The following ZC3H6 variants were observed in gnomAD, a reference collection of about 807,000 sequenced individuals.
ZC3H6 encodes the protein zinc finger CCCH-type containing 6, also known as zinc finger CCCH domain-containing protein 6.
Under a neutral mutation model 107.7 loss-of-function variants are expected in ZC3H6, and 40 were observed. The ratio of observed to expected loss-of-function variants is 0.37; its 90% confidence interval spans 0.29 to 0.48. The LOEUF (loss-of-function observed/expected upper bound fraction) is 0.48, where lower values mean the gene tolerates loss of function less well. ZC3H6 is among the 20% of genes least tolerant of loss of function. The pLI is 0.98. For missense variants in ZC3H6, 1,267 were observed against 1,410.4 expected (o/e 0.90, Z 1.63); for synonymous variants, 493 against 487.9 (o/e 1.01, Z -0.14).
intron 1 of ZC3H6, among the ~76,000 whole-genome samples, chr2:112,283,067 T>C (rs2104692483): frequency 6.6e-6 from 1 of 152,328 alleles, no homozygotes; most frequent in East Asian, 1.9e-4. Context: ...TGCTTGATCC[T>C]CTGGGCTTGA....
chr2:112,319,576 G>GT (rs1676763692), intron 7 of ZC3H6, among the ~76,000 whole-genome samples: 3 of 152,004 alleles, frequency 2.0e-5, no homozygotes. Context: ...AACCTGGGAG[G>GT]TGGAGGTTGC....
rs568222408 is a variant in ZC3H6 at position 112,331,353 on chromosome 2, C to T, written c.2435C>T (p.Ala812Val). 3.7e-6 allele frequency: 6 copies of T among 1,613,714 alleles called. No homozygotes were observed. The Middle Eastern group carries it at 4.9e-4, about 133-fold the overall frequency. The change falls in exon 12 of 12, where the codon GCT becomes GTT. Residue 812 changes from alanine to valine, a missense_variant. Around this residue, in one of 3 missense-constraint regions of ZC3H6, gnomAD observed 925 missense variants for 1,025.7 expected, o/e 0.90. Transcript: ENST00000409871. ...AAGTTTGATTTGCATCATGCAAATG[C>T]TGGCACTAATGTCAAACACAAAAGA... Reference protein sequence around the residue: ...GAKFDLHHANAGTNVKHKRGD... With the variant: ...GAKFDLHHANVGTNVKHKRGD...
Position 112,303,285 on chromosome 2 carries a change from A to G in ZC3H6, c.270A>G (p.Glu90=), listed in dbSNP as rs747682697. 3 of 1,613,384 alleles carry G rather than the reference A, an allele frequency of 1.9e-6. No individual in the cohort carries two copies. The South Asian group carries it at 3.3e-5, about 18-fold the overall frequency. The change falls in exon 3 of 12, where the codon GAA becomes GAG. Residue 90 remains glutamate, a synonymous_variant. Coordinates refer to ENST00000409871, the MANE Select transcript of ZC3H6 (RefSeq NM_198581.3). The stretch of plus-strand genomic sequence containing the variant: ...ACTACAGCCTTGATTCAGATGTTGA[A>G]CATACAGAAAGTTCCCATAAAAAAA... ...SSDYSLDSDV[E]HTESSHKKRT...
intron 11 of ZC3H6, among the ~76,000 whole-genome samples, chr2:112,328,361 A>C (rs546196218): frequency 6.6e-6 from 1 of 152,258 alleles, no homozygotes; most frequent in East Asian, 1.9e-4. Context: ...TTTTTTCTAT[A>C]TCTGTGAAGA....
intron 11 of ZC3H6, among the ~76,000 whole-genome samples, chr2:112,330,637 A>G (rs895565153): frequency 6.6e-6 from 1 of 152,196 alleles, no homozygotes; most frequent in African/African-American, 2.4e-5. Context: ...CCCACCACAC[A>G]TACAACACAC....
chr2:112,293,773 C>T (rs1676166359), intron 1 of ZC3H6, among the ~76,000 whole-genome samples: 1 of 152,194 alleles, frequency 6.6e-6, no homozygotes, highest in Non-Finnish European at 1.5e-5. Flanking sequence ...AGACTCAAAT[C>T]AAGTTATCTA....
Position 112,333,076 on chromosome 2 carries a change from TTTTAAAG to T in ZC3H6, c.*590_*596del, listed in dbSNP as rs1677068028. 1 of 152,638 alleles carries T rather than the reference TTTTAAAG, an allele frequency of 6.6e-6. No homozygotes were observed. Among genetic ancestry groups the T allele is most frequent in the Non-Finnish European group, 1.5e-5 (1 of 68,028 alleles). The allele number at this position is 152,638 out of a possible 1,614,324, so 9.5% of individuals were successfully genotyped here. On this transcript the variant is annotated 3_prime_UTR_variant, in exon 12 of 12. Coordinates refer to ENST00000409871, the MANE Select transcript of ZC3H6 (RefSeq NM_198581.3). The stretch of plus-strand genomic sequence containing the variant: ...AATGAAGCATTTGAATGTCATATCT[TTTTAAAG>T]TATTTTATTGTATACTGTATCATAG...
At chr2:112,295,969 G>C (rs1191769589) in intron 1 of ZC3H6, among the ~76,000 whole-genome samples, 3 of 152,088 alleles carry the variant, frequency 2.0e-5, no homozygotes, top group Non-Finnish European at 4.4e-5. Flanking sequence ...AGGAGCTCAC[G>C]TTGAAGGAGA....
Position 112,321,757 on chromosome 2 carries a change from T to G in ZC3H6, c.978T>G (p.Asn326Lys). The change falls in exon 8 of 12, where the codon AAT becomes AAG. Residue 326 changes from asparagine (N) to lysine (K), a missense_variant and splice_region_variant. Coordinates refer to ENST00000409871, the MANE Select transcript of ZC3H6 (RefSeq NM_198581.3). ...TKGENCIYMH[N>K]EFPCKFYHSG... ...CTTTTCCTTAATATTTTTATTTACA[T>G]GAATTTCCATGCAAGTTCTATCATA... is the stretch of plus-strand genomic sequence containing the variant. 1.3e-6 allele frequency: 2 copies of G among 1,487,498 alleles called. No homozygotes were observed. The highest frequency in any genetic ancestry group is 1.8e-6 in the Non-Finnish European group (2 of 1,113,470). The allele number at this position is 1,487,498 out of a possible 1,614,324, so 92.1% of individuals were successfully genotyped here.
chr2:112,319,958 G>GT (rs1482830766), intron 7 of ZC3H6, among the ~76,000 whole-genome samples: 2 of 152,102 alleles, frequency 1.3e-5, no homozygotes, highest in Non-Finnish European at 2.9e-5. Flanking sequence ...GTGAGACGGA[G>GT]TTTCACTTTT....
chr2:112,322,537 A>C, intron 8 of ZC3H6, 112 bp from the exon 9 acceptor site: 2 of 1,217,070 alleles, frequency 1.6e-6, no homozygotes, highest in South Asian at 3.3e-5. Flanking sequence ...CACTGCGACC[A>C]GCCCATTTCA....
At chr2:112,324,851 T>A (rs1676877413) in intron 10 of ZC3H6, 113 bp from the exon 11 acceptor site, 3 of 1,145,128 alleles carry the variant, frequency 2.6e-6, no homozygotes, top group Non-Finnish European at 3.7e-6. Context: ...AGAAATATTT[T>A]AAATGATATA....
chr2:112,329,643 A>G (rs776887102), intron 11 of ZC3H6, among the ~76,000 whole-genome samples: 5 of 152,248 alleles, frequency 3.3e-5, no homozygotes, highest in Non-Finnish European at 7.3e-5. Context: ...CTGTAACACT[A>G]AAGTTCCATG....
At chr2:112,290,126 C>T (rs1268435371) in intron 1 of ZC3H6, among the ~76,000 whole-genome samples, 1 of 152,192 alleles carries the variant, frequency 6.6e-6, no homozygotes. Flanking sequence ...AAAAACAAAC[C>T]TATAGTGTCT....
In ZC3H6 at chr2:112,338,634, A is replaced by C. The variant is rs1300272004; in HGVS notation, c.*6146A>C. 1 of 151,934 alleles carries C rather than the reference A, an allele frequency of 6.6e-6. No individual in the cohort carries two copies. Among genetic ancestry groups the C allele is most frequent in the Admixed American group, 6.6e-5 (1 of 15,252 alleles). The allele number at this position is 151,934 out of a possible 1,614,324, so 9.4% of individuals were successfully genotyped here. A position where few individuals can be genotyped will look rare whatever the true frequency, so the allele number is the denominator to read the frequency against. ...TTAGCTCTGCAGATAGTCAGGCCCC[A>C]TACTTCTTGGCTCATTACTGATTTT... On this transcript the variant is annotated 3_prime_UTR_variant, in exon 12 of 12. Coordinates refer to ENST00000409871, the MANE Select transcript of ZC3H6 (RefSeq NM_198581.3).
At chr2:112,299,138 G>A (rs998483599) in intron 1 of ZC3H6, among the ~76,000 whole-genome samples, 3 of 151,918 alleles carry the variant, frequency 2.0e-5, no homozygotes, top group South Asian at 2.1e-4. Flanking sequence ...TTAGCCGGGC[G>A]TGGTGGCAGG....
intron 5 of ZC3H6, among the ~76,000 whole-genome samples, chr2:112,314,904 G>A (rs1424483128): frequency 6.6e-6 from 1 of 152,098 alleles, no homozygotes; most frequent in East Asian, 1.9e-4. Context: ...AGGATTATCT[G>A]TTTACTTTGT....
intron 5 of ZC3H6, among the ~76,000 whole-genome samples, chr2:112,313,412 T>TA (rs748122053): frequency 7.2e-5 from 11 of 152,276 alleles, no homozygotes; most frequent in Non-Finnish European, 1.3e-4. Flanking sequence ...ACCCAGTTCT[T>TA]ACACCCTATA....
chr2:112,310,941 C>T (rs1377867447), intron 4 of ZC3H6, among the ~76,000 whole-genome samples: 2 of 152,100 alleles, frequency 1.3e-5, no homozygotes, highest in African/African-American at 4.8e-5. Context: ...TGAATGTAGG[C>T]TTTAGCTGAA....
Sources: allele counts gnomAD v4.1 joint callset (sites outside exome capture counted in the v4.1 genomes callset), GRCh38; gene constraint gnomAD v4.1.1; regional missense constraint gnomAD v4.1.1; transcripts MANE v1.5; gene names NCBI Gene and HGNC (gene_info 2026-07-23, HGNC 2026-07-21).